Variants in ADAMTS5 observed in about 807,000 individuals in gnomAD.
The protein encoded by ADAMTS5 is A disintegrin and metalloproteinase with thrombospondin motifs 5.
A neutral mutation model predicts 81.4 loss-of-function variants in ADAMTS5; 54 were observed. The observed-to-expected ratio is 0.66, with a 90% CI of 0.53 to 0.83. The LOEUF (loss-of-function observed/expected upper bound fraction) is 0.83, where lower values mean the gene tolerates loss of function less well. Among genes scored for constraint, ADAMTS5 ranks in the 40% least tolerant of loss-of-function variants. The pLI is 0.00. For synonymous variants in ADAMTS5, 532 were observed against 508.8 expected (o/e 1.05, Z -0.61); for missense variants, 1,194 against 1,229.9 (o/e 0.97, Z 0.44).
chr21:26,950,765 T>C (rs1409117301), intron 2 of ADAMTS5, among the ~76,000 whole-genome samples: 1 of 152,234 alleles, frequency 6.6e-6, no homozygotes, highest in Non-Finnish European at 1.5e-5. Flanking sequence ...ACCTGTGTCA[T>C]TTTGACTTCA....
chr21:26,945,160 AAAAAC>A (rs1238826853), intron 2 of ADAMTS5, among the ~76,000 whole-genome samples: 1 of 152,082 alleles, frequency 6.6e-6, no homozygotes, highest in East Asian at 1.9e-4. Context: ...GAAAAAAAAA[AAAAAC>A]AATCTTTCAT....
intron 2 of ADAMTS5, chr21:26,953,826 A>G (rs904438048): frequency 1.3e-5 from 2 of 153,406 alleles, no homozygotes; most frequent in Non-Finnish European, 2.9e-5. Context: ...ACTCTACCCA[A>G]TATATTCCCC....
At position 26,934,601 on chromosome 21, in the gene ADAMTS5, C is replaced by A; in HGVS notation, c.1554G>T (p.Trp518Cys). 6.2e-7 allele frequency: 1 copy of A among 1,614,192 alleles called. No homozygotes were observed. Among genetic ancestry groups the A allele is most frequent in the South Asian group, 1.1e-5 (1 of 91,082 alleles). ...TCTGGCCCTGGCGTACCACAGCACA[C>A]CACAGGCGAGCACAGACATCCATGC... Reference protein sequence around the residue: ...CPGMDVCARLWCAVVRQGQMV... With the variant: ...CPGMDVCARLCCAVVRQGQMV... The change falls in exon 4 of 8, where the codon TGG becomes TGT. Residue 518 changes from tryptophan (W) to cysteine (C), a missense_variant. Physicochemically the swap from Trp to Cys is radical, Grantham distance 215. Transcript: ENST00000284987.
At chr21:26,941,792 C>T (rs900243093) in intron 3 of ADAMTS5, among the ~76,000 whole-genome samples, 6 of 152,132 alleles carry the variant, frequency 3.9e-5, no homozygotes, top group Non-Finnish European at 7.4e-5. Context: ...CAATATTATG[C>T]GTGGAGACTT....
intron 3 of ADAMTS5, among the ~76,000 whole-genome samples, chr21:26,937,279 A>G (rs906916934): frequency 6.6e-6 from 1 of 152,228 alleles, no homozygotes; most frequent in East Asian, 1.9e-4. Context: ...TAGAACTGTA[A>G]GTTTTAAAAA....
Position 26,929,882 on chromosome 21 carries a change from T to C in ADAMTS5, c.2225+4A>G. ...ACATAAAGACAAAGGTTCTATCATA[T>C]TACCTTTTCTTATTAAAGGTTCCAA... On this transcript the variant is annotated splice_donor_region_variant and intron_variant, in intron 7 of 7. Transcript: ENST00000284987. 3 of 1,612,888 alleles carry C rather than the reference T, an allele frequency of 1.9e-6. No homozygotes were observed. Among genetic ancestry groups the C allele is most frequent in the East Asian group, 4.5e-5 (2 of 44,866 alleles).
chr21:26,943,576 T>A, intron 2 of ADAMTS5, 29 bp from the exon 3 acceptor site: 1 of 1,588,274 alleles, frequency 6.3e-7, no homozygotes, highest in Non-Finnish European at 8.6e-7. Context: ...GAAGTACAAA[T>A]AATCCGTGAT....
intron 1 of ADAMTS5, among the ~76,000 whole-genome samples, chr21:26,964,836 T>A (rs923783779): frequency 6.6e-6 from 1 of 152,232 alleles, no homozygotes; most frequent in Non-Finnish European, 1.5e-5. Context: ...GGTCATCGGA[T>A]AACAGTGAGT....
chr21:26,943,677 C>A, intron 2 of ADAMTS5, 130 bp from the exon 3 acceptor site: 1 of 794,030 alleles, frequency 1.3e-6, no homozygotes. Context: ...CTTTCTCACC[C>A]AGAGACTGGA....
intron 1 of ADAMTS5, among the ~76,000 whole-genome samples, chr21:26,955,880 G>A (rs1040505677): frequency 1.3e-5 from 2 of 152,100 alleles, no homozygotes; most frequent in Non-Finnish European, 2.9e-5. Context: ...ACTCTAAAAG[G>A]AAAAGTTTTA....
intron 2 of ADAMTS5, among the ~76,000 whole-genome samples, chr21:26,943,833 A>G (rs1987161778): frequency 6.6e-6 from 1 of 152,186 alleles, no homozygotes; most frequent in Non-Finnish European, 1.5e-5. Context: ...ACAAAGCCTT[A>G]TTTAGAATCT....
chr21:26,964,675 T>A (rs184918760), intron 1 of ADAMTS5, among the ~76,000 whole-genome samples: 85 of 152,302 alleles, frequency 5.6e-4, no homozygotes, highest in African/African-American at 1.9e-3. Flanking sequence ...CCCGCCCACA[T>A]TCCTTCCTTC....
rs970962222 is a variant in ADAMTS5 at position 26,932,710 on chromosome 21, C to G, written c.1873+151G>C. The G allele has an allele frequency of 3.1e-5, 21 of 676,006 alleles. No homozygotes were observed. In the South Asian group the frequency reaches 6.9e-4, roughly 22 times the overall value. 41.9% of individuals were successfully genotyped at this position (676,006 alleles called of 1,614,324 possible). On this transcript the variant is annotated intron_variant, in intron 5 of 7. Coordinates refer to ENST00000284987, the MANE Select transcript of ADAMTS5 (RefSeq NM_007038.5). ...TGTGAGACTCCATCTCAAAAAAAAA[C>G]AAACACATAGGTGTTTGTTATTGAT...
At chr21:26,937,665 A>G (rs1033654777) in intron 3 of ADAMTS5, among the ~76,000 whole-genome samples, 2 of 152,236 alleles carry the variant, frequency 1.3e-5, no homozygotes, top group African/African-American at 2.4e-5. Flanking sequence ...TATACATTTT[A>G]TATGTTTAAG....
chr21:26,931,906 A>C, intron 6 of ADAMTS5, 98 bp downstream of exon 6: 2 of 1,278,444 alleles, frequency 1.6e-6, no homozygotes, highest in Non-Finnish European at 2.1e-6. Flanking sequence ...ACTGACCCCA[A>C]ACTAATAACT....
At chr21:26,944,973 A>G (rs377371523) in intron 2 of ADAMTS5, among the ~76,000 whole-genome samples, 5 of 152,268 alleles carry the variant, frequency 3.3e-5, no homozygotes, top group African/African-American at 9.6e-5. Flanking sequence ...CTAGGCTTAC[A>G]AGTTTTCTCT....
In ADAMTS5 at chr21:26,924,475, T is replaced by C. The variant is rs751841876; in HGVS notation, c.2371A>G (p.Met791Val). 2 of 1,614,084 alleles carry C rather than the reference T, an allele frequency of 1.2e-6. No individual in the cohort carries two copies. The highest frequency in any genetic ancestry group is 1.3e-5 in the African/African-American group (1 of 74,918). Residue 791 changes from methionine (M) to valine (V), a missense_variant, in exon 8 of 8, where the codon ATG becomes GTG. By Grantham distance (21) the Met-to-Val change is conservative. Coordinates refer to ENST00000284987, the MANE Select transcript of ADAMTS5 (RefSeq NM_007038.5). Reference protein sequence around the residue: ...NGEYLINGKYMISTSETIIDI... With the variant: ...NGEYLINGKYVISTSETIIDI... ...ATGATAGTCTCTGAAGTGGAGATCATGTACTTTCCATTGATAAGGTACTCA... is the reference window on the plus strand; with the variant it reads ...ATGATAGTCTCTGAAGTGGAGATCACGTACTTTCCATTGATAAGGTACTCA...
chr21:26,938,558 C>T (rs1462948846), intron 3 of ADAMTS5, among the ~76,000 whole-genome samples: 1 of 152,106 alleles, frequency 6.6e-6, no homozygotes, highest in Non-Finnish European at 1.5e-5. Context: ...CAGATGGAGT[C>T]TAGCTCTGTT....
rs761831792 is a variant in ADAMTS5, at chr21:26,965,864, T to G, written c.528A>C (p.Glu176Asp). The G allele has an allele frequency of 6.2e-7, 1 of 1,613,458 alleles. No homozygotes were observed. The highest frequency in any genetic ancestry group is 1.1e-5 in the South Asian group (1 of 90,966). Reference protein sequence around the residue: ...KPLLRGPWAEEEKGRVYGDGS... With the variant: ...KPLLRGPWAEDEKGRVYGDGS... ...CATCCCCGTACACGCGCCCCTTTTC[T>G]TCCTCCGCCCAGGGTCCGCGCAGCA... The change falls in exon 1 of 8, where the codon GAA (glutamate) becomes GAC (aspartate). Residue 176 changes from glutamate to aspartate, a missense_variant. This residue lies in a region of ADAMTS5 where 498 missense variants were observed against 412.3 expected (regional missense o/e 1.21). Coordinates refer to ENST00000284987, the MANE Select transcript of ADAMTS5 (RefSeq NM_007038.5).
Sources: allele counts gnomAD v4.1 joint callset (sites outside exome capture counted in the v4.1 genomes callset), GRCh38; gene constraint gnomAD v4.1.1; regional missense constraint gnomAD v4.1.1; transcripts MANE v1.5; gene names NCBI Gene and HGNC (gene_info 2026-07-23, HGNC 2026-07-21).